LPAR6: variants seen among roughly 807,000 people sequenced by gnomAD.
LPAR6 encodes the protein lysophosphatidic acid receptor 6.
LPAR6 carries 17 observed loss-of-function variants against 22.0 expected under a neutral mutation model. That is an observed-to-expected ratio of 0.77 (90% CI 0.53 to 1.16). The LOEUF is 1.16. LPAR6 is among the 50% of genes most tolerant of loss of function. The probability of loss-of-function intolerance (pLI) is 0.00; values close to 1 mark genes in which losing one functional copy is unlikely to be tolerated. For missense variants in LPAR6, 384 were observed against 406.9 expected (o/e 0.94, Z 0.48); for synonymous variants, 136 against 139.8 (o/e 0.97, Z 0.19).
At chr13:48,430,699 C>T (rs1949120636), upstream of LPAR6, among the ~76,000 whole-genome samples, 1 of 152,064 alleles carries the variant, frequency 6.6e-6, no homozygotes, top group East Asian at 1.9e-4. Flanking sequence ...GAGATTGTGC[C>T]ACTGCACTCT....
At chr13:48,415,107 A>G (rs1456643491), upstream of LPAR6, among the ~76,000 whole-genome samples, 1 of 152,060 alleles carries the variant, frequency 6.6e-6, no homozygotes, top group Non-Finnish European at 1.5e-5. Context: ...ATGCAGTTGT[A>G]TATGCTGATC....
chr13:48,423,370 G>GT (rs1298326033), intron 1 of LPAR6, among the ~76,000 whole-genome samples: 1 of 151,846 alleles, frequency 6.6e-6, no homozygotes, highest in Non-Finnish European at 1.5e-5. Context: ...CGCAGGTTGG[G>GT]TTTTTTCACT....
intron 2 of LPAR6, among the ~76,000 whole-genome samples, chr13:48,419,394 G>C (rs969581118): frequency 3.3e-5 from 5 of 152,192 alleles, no homozygotes; most frequent in African/African-American, 1.2e-4. Context: ...GCAATGTTTA[G>C]AGGGAAGTTT....
At chr13:48,421,734 A>G (rs1317481010) in intron 2 of LPAR6, among the ~76,000 whole-genome samples, 1 of 152,238 alleles carries the variant, frequency 6.6e-6, no homozygotes, top group East Asian at 1.9e-4. Flanking sequence ...TCTCAAAAGA[A>G]GACATTTATG....
rs189478056 is a variant in LPAR6, at chr13:48,439,092, C to T, written c.-1474+5461G>A. Among the ~76,000 whole-genome samples, 7 of 152,226 alleles carry T rather than the reference C, an allele frequency of 4.6e-5. No individual in the cohort carries two copies. The East Asian group carries it at 1.3e-3, about 29-fold the overall frequency. On this transcript the variant is annotated intron_variant, in intron 1 of 6. Coordinates refer to the LPAR6 transcript ENST00000378434. ...GTGAAAGAGGCAGTAAGCAAAGGAA[C>T]GTGACTCCCATACTAGTATAGCAGC...
At chr13:48,434,833 G>T (rs1444698089) in intron 1 of LPAR6, among the ~76,000 whole-genome samples, 1 of 152,010 alleles carries the variant, frequency 6.6e-6, no homozygotes, top group Non-Finnish European at 1.5e-5. Flanking sequence ...AACAGGATTA[G>T]TTTTTTTTCT....
chr13:48,422,130 AT>A (rs879738006), intron 2 of LPAR6, among the ~76,000 whole-genome samples: 2 of 152,228 alleles, frequency 1.3e-5, no homozygotes, highest in Non-Finnish European at 2.9e-5. Context: ...ATGCGCATCA[AT>A]GATAGACAGG....
chr13:48,397,835 A>T (rs1855770869), intron 1 of LPAR6, among the ~76,000 whole-genome samples: 2 of 152,210 alleles, frequency 1.3e-5, no homozygotes, highest in African/African-American at 4.8e-5. Context: ...GATGGGAAGC[A>T]AACACAAAAG....
At chr13:48,392,750 TTCTC>T (rs56362226) in intron 1 of LPAR6, among the ~76,000 whole-genome samples, 126,142 of 151,308 alleles carry the variant, frequency 0.83, 56,053 homozygotes, top group East Asian at 1. Context: ...TGACTGATAG[TTCTC>T]TCTCTCTCTC....
At chr13:48,429,743 CAAAT>C (rs1469104313), upstream of LPAR6, among the ~76,000 whole-genome samples, 1 of 152,078 alleles carries the variant, frequency 6.6e-6, no homozygotes, top group Admixed American at 6.6e-5. Flanking sequence ...GCCAATCTCT[CAAAT>C]AAGACAATTT....
At chr13:48,403,441 T>C (rs1948711635) in intron 1 of LPAR6, among the ~76,000 whole-genome samples, 1 of 151,900 alleles carries the variant, frequency 6.6e-6, no homozygotes, top group Non-Finnish European at 1.5e-5. Context: ...ATTTTTTTAG[T>C]ATAAAAAATA....
In LPAR6 at chr13:48,411,879, G is replaced by A; in HGVS notation, c.545C>T (p.Ser182Leu). 1 of 1,613,674 alleles carries A rather than the reference G, an allele frequency of 6.2e-7. No individual in the cohort carries two copies. Among genetic ancestry groups the A allele is most frequent in the South Asian group, 1.1e-5 (1 of 91,046 alleles). The change falls in exon 1 of 1, where the codon TCA becomes TTA. Residue 182 changes from serine to leucine, a missense_variant. By Grantham distance (145) the Ser-to-Leu change is moderately radical (BLOSUM62 -2). Transcript: ENST00000620633. ...TATTTCGATGAAAATTACAATCCTT[G>A]AGAGATATGTTTTCCATGTGGCTTC... ...FPEATWKTYL[S>L]RIVIFIEIVG...
At chr13:48,415,003 T>A (rs77979461), upstream of LPAR6, among the ~76,000 whole-genome samples, 2 of 151,292 alleles carry the variant, frequency 1.3e-5, no homozygotes, top group Non-Finnish European at 3.0e-5. Context: ...ATTTTTTTTT[T>A]ATTTGGTTCA....
intron 1 of LPAR6, among the ~76,000 whole-genome samples, chr13:48,425,531 A>T (rs945777764): frequency 6.6e-6 from 1 of 152,208 alleles, no homozygotes; most frequent in Non-Finnish European, 1.5e-5. Flanking sequence ...GAAAGGACCA[A>T]TTTCACTAGG....
intron 1 of LPAR6, chr13:48,423,914 C>T (rs1055589883): frequency 2.6e-5 from 4 of 152,390 alleles, no homozygotes; most frequent in Admixed American, 6.5e-5. Context: ...CATAACGAGA[C>T]ACTGTCTCTT....
At chr13:48,431,096 T>C (rs137975772), upstream of LPAR6, among the ~76,000 whole-genome samples, 954 of 151,970 alleles carry the variant, frequency 6.3e-3, 11 homozygotes, top group African/African-American at 0.022. Context: ...ATTTACAGAA[T>C]AGTTAAATGA....
intron 1 of LPAR6, among the ~76,000 whole-genome samples, chr13:48,444,281 T>G (rs1949266141): frequency 1.3e-5 from 2 of 151,418 alleles, no homozygotes; most frequent in Non-Finnish European, 2.9e-5. Flanking sequence ...CTTTGGGAGG[T>G]CGAGGTGGGC....
upstream of LPAR6, chr13:48,416,165 G>A (rs889207504): frequency 6.6e-6 from 1 of 152,176 alleles, no homozygotes; most frequent in African/African-American, 2.4e-5. Context: ...GGAACAGCTG[G>A]AGTCTGCAGC....
intron 2 of LPAR6, among the ~76,000 whole-genome samples, chr13:48,418,509 A>G (rs1016175931): frequency 1.3e-5 from 2 of 152,216 alleles, no homozygotes; most frequent in Non-Finnish European, 2.9e-5. Context: ...TAGCATCATA[A>G]TGACAGGATC....
Sources: gnomAD v4.1 joint callset for allele counts (sites outside exome capture counted in the v4.1 genomes callset) on GRCh38, gnomAD v4.1.1 for gene constraint, MANE v1.5 for transcripts, NCBI Gene and HGNC (gene_info 2026-07-23, HGNC 2026-07-21) for gene names.